Variants in RNF130 observed in about 807,000 individuals in gnomAD.
RNF130 encodes ring finger protein 130.
RNF130 carries 21 observed loss-of-function variants against 44.6 expected under a neutral mutation model. The observed-to-expected ratio is 0.47, with a 90% CI of 0.33 to 0.68. RNF130 has a LOEUF of 0.68. Ranked by LOEUF, RNF130 falls within the 30% of genes least tolerant of loss-of-function variation. The probability of loss-of-function intolerance (pLI) is 0.02; values close to 1 mark genes in which losing one functional copy is unlikely to be tolerated. For synonymous variants in RNF130, 214 were observed against 210.4 expected (o/e 1.02, Z -0.15); for missense variants, 479 against 560.6 (o/e 0.85, Z 1.47).
chr5:179,933,186 T>C (rs995656552), intron 7 of RNF130, among the ~76,000 whole-genome samples: 2 of 152,174 alleles, frequency 1.3e-5, no homozygotes, highest in African/African-American at 4.8e-5. Context: ...TGCTACTTTT[T>C]CCCTCAAAAG....
At chr5:180,020,376 G>A (rs575474846) in intron 2 of RNF130, among the ~76,000 whole-genome samples, 5 of 152,186 alleles carry the variant, frequency 3.3e-5, no homozygotes, top group African/African-American at 7.2e-5. Flanking sequence ...GTCTCCCCAC[G>A]TGGAAGTGAC....
At chr5:179,930,649 T>C (rs1213153522) in intron 7 of RNF130, among the ~76,000 whole-genome samples, 1 of 152,238 alleles carries the variant, frequency 6.6e-6, no homozygotes, top group Non-Finnish European at 1.5e-5. Flanking sequence ...ATTTCACTGA[T>C]AAGTATAATG....
chr5:180,038,776 TC>T (rs1332140688), intron 2 of RNF130, among the ~76,000 whole-genome samples: 2 of 152,184 alleles, frequency 1.3e-5, no homozygotes, highest in Non-Finnish European at 2.9e-5. Context: ...TAAAAGACTC[TC>T]ATTCTAGCTA....
intron 5 of RNF130, among the ~76,000 whole-genome samples, chr5:179,974,851 G>A (rs950178651): frequency 2.6e-5 from 4 of 152,254 alleles, no homozygotes; most frequent in Non-Finnish European, 5.9e-5. Context: ...GCGCGGGGAG[G>A]AGCGGCATGG....
Position 180,012,921 on chromosome 5 carries a change from G to A in RNF130, c.693+140C>T, listed in dbSNP as rs1347514526. 82 of 948,514 alleles carry A rather than the reference G, an allele frequency of 8.6e-5. 1 individual carries two copies. In the South Asian group the frequency reaches 1.2e-3, roughly 14 times the overall value. The allele number at this position is 948,514 out of a possible 1,614,324, so 58.8% of individuals were successfully genotyped here. On this transcript the variant is annotated intron_variant, in intron 3 of 8. Transcript: ENST00000521389. ...ATATCCCTTAAATACTCATGTAGACGTTTCCAACATATTAAAATGACTGAG... is the reference window on the plus strand; with the variant it reads ...ATATCCCTTAAATACTCATGTAGACATTTCCAACATATTAAAATGACTGAG...
chr5:179,963,620 G>A (rs1762378711), intron 7 of RNF130, 56 bp from the exon 8 acceptor site: 10 of 1,215,440 alleles, frequency 8.2e-6, no homozygotes, highest in Admixed American at 3.6e-5. Context: ...AAGTCAAATC[G>A]ATGCCAACAT....
At chr5:179,972,463 CAT>C (rs1480011215) in intron 5 of RNF130, among the ~76,000 whole-genome samples, 1 of 152,164 alleles carries the variant, frequency 6.6e-6, no homozygotes, top group Non-Finnish European at 1.5e-5. Context: ...TAATGGAAGA[CAT>C]ATGATGCTGT....
chr5:180,004,177 T>C (rs533276243), intron 3 of RNF130, among the ~76,000 whole-genome samples: 1 of 152,282 alleles, frequency 6.6e-6, no homozygotes, highest in African/African-American at 2.4e-5. Context: ...TAAAAGGAGC[T>C]CTCACATGAT....
intron 7 of RNF130, among the ~76,000 whole-genome samples, chr5:179,928,969 A>G (rs1761768101): frequency 6.6e-6 from 1 of 152,204 alleles, no homozygotes; most frequent in South Asian, 2.1e-4. Context: ...TCTTAATTTT[A>G]GTGTGGAACA....
At chr5:180,008,379 G>A (rs1333998097) in intron 3 of RNF130, among the ~76,000 whole-genome samples, 1 of 152,112 alleles carries the variant, frequency 6.6e-6, no homozygotes, top group Non-Finnish European at 1.5e-5. Context: ...GGCTCCTCAG[G>A]AAGAAAAGCT....
intron 2 of RNF130, among the ~76,000 whole-genome samples, chr5:180,021,923 G>A (rs1470552030): frequency 2.0e-5 from 3 of 152,088 alleles, no homozygotes; most frequent in Admixed American, 6.6e-5. Flanking sequence ...CAGTCGTCAC[G>A]TCATAGCCAT....
chr5:180,055,677 CT>C (rs1195871228), intron 1 of RNF130, among the ~76,000 whole-genome samples: 1 of 152,206 alleles, frequency 6.6e-6, no homozygotes, highest in African/African-American at 2.4e-5. Flanking sequence ...CCACTTTTTA[CT>C]AAATTGTCCC....
intron 1 of RNF130, among the ~76,000 whole-genome samples, chr5:180,051,040 C>T (rs999190890): frequency 6.6e-6 from 1 of 152,070 alleles, no homozygotes; most frequent in Non-Finnish European, 1.5e-5. Flanking sequence ...TGAACTCAAA[C>T]AATCTGCCCA....
At chr5:180,007,916 C>T (rs559134679) in intron 3 of RNF130, among the ~76,000 whole-genome samples, 2 of 152,076 alleles carry the variant, frequency 1.3e-5, no homozygotes, top group East Asian at 3.9e-4. Flanking sequence ...AACAACACCA[C>T]TCCAGAGCAG....
chr5:180,051,238 A>ATATTTATTTATTTATTTATTTATTTATT (rs61340522), intron 1 of RNF130, among the ~76,000 whole-genome samples: 65 of 144,156 alleles, frequency 4.5e-4, no homozygotes, highest in South Asian at 1.6e-3. Context: ...TATAGATATT[A>ATATTTATTTATTTATTTATTTATTTATT]TATTTATTTA....
intron 8 of RNF130, among the ~76,000 whole-genome samples, chr5:179,961,977 G>A (rs188451736): frequency 2.0e-5 from 3 of 152,166 alleles, no homozygotes; most frequent in Non-Finnish European, 4.4e-5. Context: ...ACAACCCTGC[G>A]ATATGGTCCT....
chr5:180,029,637 T>C (rs1764077358), intron 2 of RNF130, among the ~76,000 whole-genome samples: 2 of 152,240 alleles, frequency 1.3e-5, no homozygotes. Flanking sequence ...TTCCATTGCT[T>C]TTGTGAACAA....
chr5:179,958,807 C>T (rs1238195773), intron 8 of RNF130, among the ~76,000 whole-genome samples: 2 of 152,086 alleles, frequency 1.3e-5, no homozygotes, highest in East Asian at 3.9e-4. Context: ...CTGTCTCAGC[C>T]TTAGCTGGGA....
chr5:180,042,023 A>G (rs2113142642), intron 1 of RNF130, among the ~76,000 whole-genome samples: 1 of 152,326 alleles, frequency 6.6e-6, no homozygotes, highest in East Asian at 1.9e-4. Flanking sequence ...AGCCTGGGTG[A>G]TAGAACAAGA....
Sources: gnomAD v4.1 joint callset for allele counts (sites outside exome capture counted in the v4.1 genomes callset) on GRCh38, gnomAD v4.1.1 for gene constraint, MANE v1.5 for transcripts, NCBI Gene and HGNC (gene_info 2026-07-23, HGNC 2026-07-21) for gene names.